SH3PXD2B: variants seen among roughly 807,000 people sequenced by gnomAD.
The protein encoded by SH3PXD2B is SH3 and PX domain-containing protein 2B.
SH3PXD2B carries 37 observed loss-of-function variants against 73.1 expected under a neutral mutation model. That is an observed-to-expected ratio of 0.51 (90% CI 0.39 to 0.67). SH3PXD2B has a LOEUF of 0.67. Among genes scored for constraint, SH3PXD2B ranks in the 30% least tolerant of loss-of-function variants. The probability of loss-of-function intolerance (pLI) is 0.00; values close to 1 mark genes in which losing one functional copy is unlikely to be tolerated. For missense variants in SH3PXD2B, 1,053 were observed against 1,197.8 expected (o/e 0.88, Z 1.78); for synonymous variants, 457 against 480.5 (o/e 0.95, Z 0.64).
At chr5:172,435,426 T>TTG (rs1759366467) in intron 1 of SH3PXD2B, among the ~76,000 whole-genome samples, 1 of 66,918 alleles carries the variant, frequency 1.5e-5, no homozygotes, top group Admixed American at 1.4e-4. Flanking sequence ...CTGGAGGTAT[T>TTG]TGTTTGTTTG....
chr5:172,331,036 A>G (rs924210226), downstream of SH3PXD2B, among the ~76,000 whole-genome samples: 1 of 149,536 alleles, frequency 6.7e-6, no homozygotes, highest in African/African-American at 2.6e-5. Context: ...CTCTACTAAA[A>G]ATACAAAAAT....
At chr5:172,435,935 T>C (rs1460205354) in intron 1 of SH3PXD2B, among the ~76,000 whole-genome samples, 1 of 152,226 alleles carries the variant, frequency 6.6e-6, no homozygotes, top group Admixed American at 6.5e-5. Context: ...ATTAGCAATG[T>C]CTGCCAGGGG....
chr5:172,430,216 A>G (rs1282344674), intron 1 of SH3PXD2B, among the ~76,000 whole-genome samples: 1 of 152,260 alleles, frequency 6.6e-6, no homozygotes, highest in Non-Finnish European at 1.5e-5. Context: ...GAAGGTCACA[A>G]AGGTGAGGGA....
rs1182100198 is a variant in SH3PXD2B at position 172,333,997 on chromosome 5, CT to C, written c.*4371del. 8.4e-7 allele frequency: 1 copy of C among 1,193,804 alleles called. No individual in the cohort carries two copies. The highest frequency in any genetic ancestry group is 1.1e-6 in the Non-Finnish European group (1 of 949,354). 74.0% of individuals were successfully genotyped at this position (1,193,804 alleles called of 1,614,324 possible). A position where few individuals can be genotyped will look rare whatever the true frequency, so the allele number is the denominator to read the frequency against. On this transcript the variant is annotated 3_prime_UTR_variant, in exon 13 of 13. Coordinates refer to ENST00000311601, the MANE Select transcript of SH3PXD2B (RefSeq NM_001017995.3). The stretch of plus-strand genomic sequence containing the variant: ...GATGTAAGCCTGGTGGGGGCACCTT[CT>C]TTTTTACATGAATAGGACATCTAAA...
chr5:172,408,150 T>G (rs939861743), intron 2 of SH3PXD2B, among the ~76,000 whole-genome samples: 33 of 146,254 alleles, frequency 2.3e-4, no homozygotes, highest in African/African-American at 6.2e-4. Context: ...AAACTGTGGG[T>G]TTTTTTTTTT....
chr5:172,396,762 C>T (rs562837569), intron 3 of SH3PXD2B, among the ~76,000 whole-genome samples: 11 of 152,080 alleles, frequency 7.2e-5, no homozygotes, highest in African/African-American at 1.7e-4. Flanking sequence ...GCCTGGCCAA[C>T]GTGGTAAAAC....
At chr5:172,404,128 A>T (rs1758496054) in intron 3 of SH3PXD2B, among the ~76,000 whole-genome samples, 1 of 152,086 alleles carries the variant, frequency 6.6e-6, no homozygotes, top group Admixed American at 6.6e-5. Context: ...TAGGTAAAGG[A>T]TTCTCCCAGT....
At chr5:172,329,172 C>T (rs183686963), downstream of SH3PXD2B, among the ~76,000 whole-genome samples, 505 of 148,406 alleles carry the variant, frequency 3.4e-3, 3 homozygotes, top group African/African-American at 0.011. Flanking sequence ...CCTCCACCTT[C>T]CCGGTTCAAA....
At position 172,354,691 on chromosome 5, in the gene SH3PXD2B, G is replaced by C. The variant is rs1382728787; in HGVS notation, c.668-686C>G. 2.0e-5 allele frequency among the ~76,000 whole-genome samples: 3 copies of C among 152,266 alleles called. No individual in the cohort carries two copies. In the East Asian group the frequency reaches 5.8e-4, roughly 29 times the overall value. ...GGCTGAAATCACTACTGCGGACACG[G>C]TGCACAATTTTCATTACCTTGCCGG... is the stretch of plus-strand genomic sequence containing the variant. On this transcript the variant is annotated intron_variant, in intron 8 of 12. Transcript: ENST00000311601.
downstream of SH3PXD2B, among the ~76,000 whole-genome samples, chr5:172,329,083 A>ATTTATTT (rs1756505230): frequency 1.6e-5 from 1 of 61,820 alleles, no homozygotes; most frequent in South Asian, 9.8e-4. Flanking sequence ...ATATATATAT[A>ATTTATTT]TTTTTTTTTT....
chr5:172,329,540 C>CTTTTTTTTTTTTTT (rs370876232), downstream of SH3PXD2B, among the ~76,000 whole-genome samples: 11 of 106,442 alleles, frequency 1.0e-4, no homozygotes, highest in East Asian at 3.0e-4. Flanking sequence ...CTTTGTTATT[C>CTTTTTTTTTTTTTT]TTTTTTTTTT....
chr5:172,406,229 G>T, intron 3 of SH3PXD2B, 48 bp downstream of exon 3: 6 of 1,590,492 alleles, frequency 3.8e-6, no homozygotes, highest in Non-Finnish European at 5.2e-6. Flanking sequence ...TCTGGGAACT[G>T]TAACAGAGCC....
At chr5:172,422,179 G>C (rs553028318) in intron 2 of SH3PXD2B, among the ~76,000 whole-genome samples, 29 of 152,244 alleles carry the variant, frequency 1.9e-4, no homozygotes, top group Admixed American at 4.6e-4. Flanking sequence ...ATTTTTCGTA[G>C]AGACGGGGTT....
At chr5:172,449,531 C>T (rs1317030054) in intron 1 of SH3PXD2B, among the ~76,000 whole-genome samples, 4 of 152,170 alleles carry the variant, frequency 2.6e-5, no homozygotes, top group African/African-American at 7.2e-5. Context: ...AAATAAATCC[C>T]GCCAATCAAT....
At chr5:172,398,241 T>C (rs1758350063) in intron 3 of SH3PXD2B, among the ~76,000 whole-genome samples, 1 of 152,258 alleles carries the variant, frequency 6.6e-6, no homozygotes, top group Admixed American at 6.5e-5. Flanking sequence ...TACCTAAAAA[T>C]TGGCCTCTCA....
intron 12 of SH3PXD2B, among the ~76,000 whole-genome samples, chr5:172,341,332 A>G (rs546020820): frequency 2.1e-4 from 32 of 152,250 alleles, no homozygotes; most frequent in African/African-American, 6.0e-4. Context: ...GTGATCCCCA[A>G]TGATGGAGGT....
At chr5:172,363,848 C>T (rs1278557376) in intron 6 of SH3PXD2B, among the ~76,000 whole-genome samples, 1 of 152,148 alleles carries the variant, frequency 6.6e-6, no homozygotes, top group Non-Finnish European at 1.5e-5. Flanking sequence ...CAATTAAGGG[C>T]TTTGAGAAAG....
intron 1 of SH3PXD2B, among the ~76,000 whole-genome samples, chr5:172,433,461 T>C (rs1366768041): frequency 6.6e-6 from 1 of 152,228 alleles, no homozygotes; most frequent in Admixed American, 6.5e-5. Context: ...TATTTTCTTT[T>C]ACAATCAGAA....
chr5:172,407,695 A>G (rs1367141725), intron 2 of SH3PXD2B, among the ~76,000 whole-genome samples: 2 of 152,204 alleles, frequency 1.3e-5, no homozygotes, highest in South Asian at 2.1e-4. Flanking sequence ...GAAACTTTGA[A>G]AAGTCCAGGA....
Sources: allele counts gnomAD v4.1 joint callset (sites outside exome capture counted in the v4.1 genomes callset), GRCh38; gene constraint gnomAD v4.1.1; transcripts MANE v1.5; gene names NCBI Gene and HGNC (gene_info 2026-07-23, HGNC 2026-07-21).